The following PIK3C2G variants were observed in gnomAD, a reference collection of about 807,000 sequenced individuals.
PIK3C2G encodes the protein phosphatidylinositol-4-phosphate 3-kinase catalytic subunit type 2 gamma, also known as phosphatidylinositol 3-kinase C2 domain-containing subunit gamma.
Under a neutral mutation model 181.1 loss-of-function variants are expected in PIK3C2G, and 168 were observed. The ratio of observed to expected loss-of-function variants is 0.93; its 90% CI spans 0.82 to 1.05. The LOEUF (loss-of-function observed/expected upper bound fraction) is 1.05. Among genes scored for constraint, PIK3C2G ranks in the 50% least tolerant of loss-of-function variants. The pLI is 0.00. For synonymous variants in PIK3C2G, 573 were observed against 592.2 expected (o/e 0.97, Z 0.47); for missense variants, 1,869 against 1,732.8 (o/e 1.08, Z -1.40).
the PIK3C2G span, among the ~76,000 whole-genome samples, chr12:18,673,849 G>A: frequency 1.3e-5 from 2 of 152,192 alleles, no homozygotes; most frequent in African/African-American, 2.4e-5. Context: ...TTCCACAGAA[G>A]CTGCCCTGAG....
At chr12:18,309,323 C>A (rs1318845690) in intron 5 of PIK3C2G, among the ~76,000 whole-genome samples, 2 of 151,684 alleles carry the variant, frequency 1.3e-5, no homozygotes, top group Non-Finnish European at 3.0e-5. Context: ...TCAAAAAGTT[C>A]ATTTTTTAAT....
the PIK3C2G span, chr12:18,685,417 C>T: frequency 9.0e-5 from 17 of 189,822 alleles, no homozygotes; most frequent in Admixed American, 8.7e-4. Context: ...GGAGAAGAAT[C>T]ATGTGTATTA....
At chr12:18,726,697 A>G in the PIK3C2G span, among the ~76,000 whole-genome samples, 4 of 152,210 alleles carry the variant, frequency 2.6e-5, no homozygotes, top group Admixed American at 1.3e-4. Context: ...GTTATTTAAA[A>G]TAATGTGATG....
intron 1 of PIK3C2G, among the ~76,000 whole-genome samples, chr12:18,275,087 G>A (rs182739067): frequency 7.9e-5 from 12 of 152,188 alleles, no homozygotes; most frequent in East Asian, 5.8e-4. Context: ...CCTGAGTTCC[G>A]GGGTCATGAC....
chr12:18,475,220 C>CT (rs1938855935), intron 18 of PIK3C2G, among the ~76,000 whole-genome samples: 1 of 151,840 alleles, frequency 6.6e-6, no homozygotes, highest in African/African-American at 2.4e-5. Context: ...TTAAATAAGA[C>CT]TGGGTTTTAG....
the PIK3C2G span, among the ~76,000 whole-genome samples, chr12:18,667,000 A>G: frequency 9.9e-5 from 15 of 152,192 alleles, no homozygotes; most frequent in African/African-American, 2.7e-4. Context: ...GCCTAGAACT[A>G]AAAATACCGT....
chr12:18,494,657 C>T (rs993630486), intron 20 of PIK3C2G, among the ~76,000 whole-genome samples: 11 of 151,962 alleles, frequency 7.2e-5, no homozygotes, highest in Non-Finnish European at 1.5e-4. Context: ...CAAAGAGATT[C>T]CCCACATATT....
At chr12:18,634,162 A>G (rs1949487147) in intron 31 of PIK3C2G, among the ~76,000 whole-genome samples, 1 of 152,182 alleles carries the variant, frequency 6.6e-6, no homozygotes, top group South Asian at 2.1e-4. Flanking sequence ...AGGGTGGGGA[A>G]CATAGTAAGA....
chr12:18,278,373 G>A (rs981553169), intron 1 of PIK3C2G, among the ~76,000 whole-genome samples: 19 of 152,168 alleles, frequency 1.2e-4, no homozygotes, highest in African/African-American at 4.6e-4. Flanking sequence ...TATCACAGCA[G>A]TCTGATCTCT....
intron 29 of PIK3C2G, among the ~76,000 whole-genome samples, chr12:18,582,440 C>T (rs897945683): frequency 6.6e-6 from 1 of 152,102 alleles, no homozygotes; most frequent in Admixed American, 6.5e-5. Context: ...ACAGACTGAG[C>T]TACGTAGAAT....
intron 26 of PIK3C2G, among the ~76,000 whole-genome samples, chr12:18,552,003 C>G (rs1231945717): frequency 6.6e-6 from 1 of 152,098 alleles, no homozygotes; most frequent in Non-Finnish European, 1.5e-5. Context: ...GCCACCCTTT[C>G]ACAGAAAAAT....
intron 14 of PIK3C2G, among the ~76,000 whole-genome samples, chr12:18,382,701 G>C (rs1416690768): frequency 1.3e-5 from 2 of 152,006 alleles, no homozygotes; most frequent in African/African-American, 4.8e-5. Context: ...AGATGCCTGA[G>C]GCACTTTCTC....
chr12:18,504,483 T>G (rs1184840917), intron 23 of PIK3C2G, among the ~76,000 whole-genome samples: 1 of 152,146 alleles, frequency 6.6e-6, no homozygotes, highest in Non-Finnish European at 1.5e-5. Context: ...TGCTTAGGCA[T>G]GTAGGAAACC....
rs117115826 is a variant in PIK3C2G, at chr12:18,600,596, C to T, written c.4087+6027C>T. Among the ~76,000 whole-genome samples, 1,028 of 151,802 alleles carry T rather than the reference C, an allele frequency of 6.8e-3. 8 individuals are homozygous for T. Among genetic ancestry groups the T allele is most frequent in the Middle Eastern group, 0.044 (13 of 294 alleles). ...TCAAAAATGGGGAGTAATGCAAGTA[C>T]GCAAATATTAATACAAAAGGAAATG... On this transcript the variant is annotated intron_variant, in intron 30 of 32. Coordinates refer to ENST00000538779, the MANE Select transcript of PIK3C2G (RefSeq NM_001288772.2).
At chr12:18,641,452 A>C (rs1298408458) in intron 32 of PIK3C2G, among the ~76,000 whole-genome samples, 1 of 152,216 alleles carries the variant, frequency 6.6e-6, no homozygotes, top group East Asian at 1.9e-4. Flanking sequence ...CCCATTCCTG[A>C]AACCTCCGTT....
chr12:18,597,923 T>G (rs1947468766), intron 30 of PIK3C2G, among the ~76,000 whole-genome samples: 1 of 152,128 alleles, frequency 6.6e-6, no homozygotes, highest in South Asian at 2.1e-4. Flanking sequence ...ATGAAATACC[T>G]AGGAATCCAA....
chr12:18,321,249 T>C (rs1044640622), intron 7 of PIK3C2G, among the ~76,000 whole-genome samples: 2 of 152,202 alleles, frequency 1.3e-5, no homozygotes, highest in African/African-American at 2.4e-5. Flanking sequence ...CATTCTAACA[T>C]TCATTTAAAA....
intron 18 of PIK3C2G, among the ~76,000 whole-genome samples, chr12:18,426,020 T>G (rs1329130790): frequency 6.6e-6 from 1 of 152,226 alleles, no homozygotes; most frequent in Non-Finnish European, 1.5e-5. Context: ...GACCTTGACT[T>G]TGAATTTTTC....
Position 18,489,893 on chromosome 12 carries a change from T to C in PIK3C2G, c.2685+1264T>C, listed in dbSNP as rs530697540. 2.6e-5 allele frequency among the ~76,000 whole-genome samples: 4 copies of C among 152,278 alleles called. No homozygotes were observed. In the South Asian group the frequency reaches 8.3e-4, roughly 32 times the overall value. On this transcript the variant is annotated intron_variant, in intron 19 of 32. Coordinates refer to ENST00000538779, the MANE Select transcript of PIK3C2G (RefSeq NM_001288772.2). ...TCATTCGCTTCAAGTACCAGAGTGATATTGACATTATTCACTCAGGTAAAT... is the reference window on the plus strand; with the variant it reads ...TCATTCGCTTCAAGTACCAGAGTGACATTGACATTATTCACTCAGGTAAAT...
Sources: allele counts gnomAD v4.1 joint callset (sites outside exome capture counted in the v4.1 genomes callset), GRCh38; gene constraint gnomAD v4.1.1; transcripts MANE v1.5; gene names NCBI Gene and HGNC (gene_info 2026-07-23, HGNC 2026-07-21).